TULP4: variants seen among roughly 807,000 people sequenced by gnomAD.
TULP4 encodes tubby-related protein 4.
A neutral mutation model predicts 129.0 loss-of-function variants in TULP4; 16 were observed. The ratio of observed to expected loss-of-function variants is 0.12; its 90% CI spans 0.08 to 0.19. TULP4 has a LOEUF of 0.19. Among genes scored for constraint, TULP4 ranks in the 10% least tolerant of loss-of-function variants. The pLI, the probability that TULP4 is intolerant of heterozygous loss-of-function variation, is 1.00. For missense variants in TULP4, 1,842 were observed against 2,059.1 expected (o/e 0.89, Z 2.04); for synonymous variants, 998 against 854.0 (o/e 1.17, Z -2.94).
chr6:158,237,692 A>T, intron 1 of TULP4: 2 of 1,060,962 alleles, frequency 1.9e-6, no homozygotes, highest in South Asian at 2.6e-5. Flanking sequence ...TTCTTTTTCA[A>T]ATCTCCCTTT....
At chr6:158,491,391 TTC>T (rs1165696022) in intron 9 of TULP4, among the ~76,000 whole-genome samples, 32 of 8,626 alleles carry the variant, frequency 3.7e-3, no homozygotes, top group East Asian at 0.023. Flanking sequence ...GTTATAAGAG[TTC>T]TTTCTTTCTT....
At chr6:158,468,602 G>C (rs1779605020) in intron 6 of TULP4, among the ~76,000 whole-genome samples, 1 of 152,176 alleles carries the variant, frequency 6.6e-6, no homozygotes, top group Non-Finnish European at 1.5e-5. Context: ...TTTGATTACA[G>C]CATAGTTTAT....
chr6:158,506,253 G>C (rs12181995), intron 13 of TULP4, among the ~76,000 whole-genome samples: 1 of 38,790 alleles, frequency 2.6e-5, no homozygotes, highest in Non-Finnish European at 4.4e-5. Context: ...TTTTTTTTGA[G>C]ATGAAGTCTC....
At chr6:158,398,480 G>A (rs1230160979) in intron 1 of TULP4, 1 of 152,254 alleles carries the variant, frequency 6.6e-6, no homozygotes, top group African/African-American at 2.4e-5. Context: ...TAAGGAGTGA[G>A]CCCTATGAGG....
chr6:158,437,645 C>T (rs827953), intron 3 of TULP4, among the ~76,000 whole-genome samples: 110,274 of 152,154 alleles, frequency 0.72, 40,414 homozygotes, highest in African/African-American at 0.79. Context: ...TGAACTGTTA[C>T]AGATACTCAT....
chr6:158,471,289 G>A (rs893227421), intron 6 of TULP4, among the ~76,000 whole-genome samples: 9 of 152,222 alleles, frequency 5.9e-5, no homozygotes, highest in African/African-American at 1.2e-4. Flanking sequence ...TTGCCATTCC[G>A]GATAATAAAG....
chr6:158,246,023 G>GGGGGTGTGTGTGTGT lies in TULP4; in HGVS notation n.68+13721_68+13722insGGGTGTGTGTGTGTG, dbSNP rs113914160. 1.7e-4 allele frequency among the ~76,000 whole-genome samples: 25 copies of GGGGGTGTGTGTGTGT among 145,920 alleles called. No individual in the cohort carries two copies. The East Asian group carries it at 2.0e-3, about 12-fold the overall frequency. ...GTGAGTAATTTGCCTACCCCTTAGG[G>GGGGGTGTGTGTGTGT]GTGTGTGTGTGTGTGTGTGTGTGTG... On this transcript the variant is annotated intron_variant and non_coding_transcript_variant, in intron 1 of 1. Coordinates refer to the TULP4 transcript ENST00000620026.
At chr6:158,264,296 A>G (rs138809153) in intron 1 of TULP4, among the ~76,000 whole-genome samples, 1 of 152,282 alleles carries the variant, frequency 6.6e-6, no homozygotes, top group East Asian at 1.9e-4. Flanking sequence ...TGCTTAAATG[A>G]ACTTCAATTT....
chr6:158,299,545 C>T (rs571888565), intron 1 of TULP4, among the ~76,000 whole-genome samples: 3 of 152,294 alleles, frequency 2.0e-5, no homozygotes, highest in African/African-American at 7.2e-5. Flanking sequence ...TGGCTGATCT[C>T]TCCAGAAGGT....
intron 1 of TULP4, among the ~76,000 whole-genome samples, chr6:158,240,587 T>C (rs1353220672): frequency 4.0e-5 from 3 of 75,234 alleles, no homozygotes; most frequent in Admixed American, 1.5e-4. Flanking sequence ...CACTTCCCAG[T>C]AGGGGCGGCC....
intron 1 of TULP4, among the ~76,000 whole-genome samples, chr6:158,391,646 T>G (rs1777587274): frequency 6.6e-6 from 1 of 152,198 alleles, no homozygotes; most frequent in Admixed American, 6.5e-5. Flanking sequence ...AATCCCTCAA[T>G]TAAGGAGAAT....
At chr6:158,259,595 T>G (rs910496981) in intron 1 of TULP4, among the ~76,000 whole-genome samples, 1 of 152,210 alleles carries the variant, frequency 6.6e-6, no homozygotes, top group African/African-American at 2.4e-5. Flanking sequence ...CATAATGCTT[T>G]GACACCAGTG....
chr6:158,453,100 C>A (rs1181821332), intron 5 of TULP4, among the ~76,000 whole-genome samples: 2 of 152,074 alleles, frequency 1.3e-5, no homozygotes, highest in Non-Finnish European at 2.9e-5. Context: ...TCAAAACTGG[C>A]CATTGGTCTA....
chr6:158,248,570 C>T (rs927206187), intron 1 of TULP4, among the ~76,000 whole-genome samples: 4 of 151,990 alleles, frequency 2.6e-5, no homozygotes, highest in Non-Finnish European at 4.4e-5. Context: ...TGCCCGGCGT[C>T]TGTTCTTTAC....
intron 1 of TULP4, among the ~76,000 whole-genome samples, chr6:158,302,423 T>C (rs564631197): frequency 6.6e-6 from 1 of 152,354 alleles, no homozygotes; most frequent in South Asian, 2.1e-4. Context: ...TAGGTTTAAT[T>C]ACAGCATTAA....
chr6:158,257,331 T>A (rs1778266719), intron 1 of TULP4, among the ~76,000 whole-genome samples: 1 of 152,188 alleles, frequency 6.6e-6, no homozygotes, highest in African/African-American at 2.4e-5. Context: ...CTGTCACATG[T>A]ACACTGCCTG....
upstream of TULP4, among the ~76,000 whole-genome samples, chr6:158,281,370 T>C (rs1383996373): frequency 6.6e-6 from 1 of 152,116 alleles, no homozygotes; most frequent in Non-Finnish European, 1.5e-5. Flanking sequence ...CCTACCACCA[T>C]GCCTGGCTAA....
Position 158,306,817 on chromosome 6 carries a change from C to T in TULP4, n.117-5234C>T, listed in dbSNP as rs545468107. On this transcript the variant is annotated intron_variant and non_coding_transcript_variant, in intron 1 of 1. Coordinates refer to the TULP4 transcript ENST00000432358. Reference sequence around the variant, plus strand: ...GGTGGATCACTTGAGCCTCGGAGTTCGAGACCAGCCTGGCTAACGTGGCGA... The same window carrying T: ...GGTGGATCACTTGAGCCTCGGAGTTTGAGACCAGCCTGGCTAACGTGGCGA... 6.6e-5 allele frequency among the ~76,000 whole-genome samples: 10 copies of T among 152,158 alleles called. No homozygotes were observed. In the East Asian group the frequency reaches 1.7e-3, roughly 26 times the overall value.
intron 9 of TULP4, 138 bp downstream of exon 9, chr6:158,489,870 C>G (rs1780160069): frequency 1.8e-6 from 2 of 1,095,916 alleles, no homozygotes; most frequent in South Asian, 3.3e-5. Flanking sequence ...AAGATTCCAG[C>G]TGGAATAATT....
Sources: gnomAD v4.1 joint callset for allele counts (sites outside exome capture counted in the v4.1 genomes callset) on GRCh38, gnomAD v4.1.1 for gene constraint, MANE v1.5 for transcripts, NCBI Gene and HGNC (gene_info 2026-07-23, HGNC 2026-07-21) for gene names.